SHISA9: variants seen among roughly 807,000 people sequenced by gnomAD.
SHISA9 encodes protein shisa-9.
Under a neutral mutation model 38.0 loss-of-function variants are expected in SHISA9, and 13 were observed. The ratio of observed to expected loss-of-function variants is 0.34; its 90% CI spans 0.22 to 0.54. SHISA9 has a LOEUF of 0.54. Ranked by LOEUF, SHISA9 falls within the 20% of genes least tolerant of loss-of-function variation. SHISA9 has a pLI of 0.91. For missense variants in SHISA9, 538 were observed against 575.8 expected, an observed-to-expected ratio of 0.93 and a Z score of 0.67; for synonymous variants, 275 against 242.0, an observed-to-expected ratio of 1.14 and a Z score of -1.27.
chr16:12,999,929 T>C (rs1178201446), intron 2 of SHISA9, among the ~76,000 whole-genome samples: 1 of 152,166 alleles, frequency 6.6e-6, no homozygotes, highest in Non-Finnish European at 1.5e-5. Context: ...AGCTGGGAAA[T>C]ACAGTTATTC....
At chr16:13,514,628 T>C in the SHISA9 span, among the ~76,000 whole-genome samples, 4 of 151,960 alleles carry the variant, frequency 2.6e-5, no homozygotes, top group African/African-American at 7.3e-5. Context: ...ATAACAGCAA[T>C]AGAAACCTTC....
chr16:13,228,594 C>T (rs1233588175), intron 4 of SHISA9, among the ~76,000 whole-genome samples: 1 of 152,032 alleles, frequency 6.6e-6, no homozygotes, highest in Non-Finnish European at 1.5e-5. Flanking sequence ...TTAATGAGGG[C>T]GAGTGAGATT....
chr16:12,967,687 T>C (rs2071998053), intron 2 of SHISA9, among the ~76,000 whole-genome samples: 1 of 151,920 alleles, frequency 6.6e-6, no homozygotes, highest in African/African-American at 2.4e-5. Context: ...AAAGAAATAC[T>C]CTGGAGATTG....
chr16:13,101,637 A>G (rs1442263172), intron 2 of SHISA9, among the ~76,000 whole-genome samples: 1 of 152,226 alleles, frequency 6.6e-6, no homozygotes. Context: ...CTTTGCATAT[A>G]TACCCAGAAG....
the SHISA9 span, among the ~76,000 whole-genome samples, chr16:13,318,165 C>G: frequency 6.6e-6 from 1 of 152,118 alleles, no homozygotes; most frequent in Non-Finnish European, 1.5e-5. Context: ...AAGGAATAAA[C>G]TAGGTTTCCC....
At chr16:13,071,756 G>C (rs1596627684) in intron 2 of SHISA9, among the ~76,000 whole-genome samples, 2 of 151,558 alleles carry the variant, frequency 1.3e-5, no homozygotes, top group Non-Finnish European at 2.9e-5. Context: ...TCCCATTTCA[G>C]CCTCCCTAGT....
At chr16:13,469,373 G>GAAAGAAAGAAAAGAA in the SHISA9 span, among the ~76,000 whole-genome samples, 33 of 83,558 alleles carry the variant, frequency 3.9e-4, no homozygotes, top group Non-Finnish European at 4.1e-4. Flanking sequence ...GAAAAAGAAA[G>GAAAGAAAGAAAAGAA]AAAGAAAGAA....
the SHISA9 span, among the ~76,000 whole-genome samples, chr16:13,347,727 T>C: frequency 3.9e-5 from 6 of 152,206 alleles, no homozygotes; most frequent in Non-Finnish European, 2.9e-5. Flanking sequence ...GTCTGGCCTG[T>C]CTTCATTCTC....
At chr16:13,489,576 A>T in the SHISA9 span, among the ~76,000 whole-genome samples, 1 of 152,130 alleles carries the variant, frequency 6.6e-6, no homozygotes, top group Admixed American at 6.5e-5. Context: ...GGTAGTGAAT[A>T]AGTCTCATGA....
Position 13,186,130 on chromosome 16 carries a change from C to T in SHISA9, c.692-17264C>T, listed in dbSNP as rs184385733. On this transcript the variant is annotated intron_variant, in intron 2 of 4. Transcript: ENST00000558583. ...TAAGTGACTCACAGCCTCCCTTTGC[C>T]TCTGTTTTCTTATCTTCAAAATGAA... Among the ~76,000 whole-genome samples the T allele has an allele frequency of 2.6e-4, 40 of 152,056 alleles. 2 individuals are homozygous for T. The highest frequency in any genetic ancestry group is 6.8e-3 in the Middle Eastern group (2 of 294).
intron 4 of SHISA9, among the ~76,000 whole-genome samples, chr16:13,228,331 C>G (rs901527940): frequency 1.3e-5 from 2 of 152,202 alleles, no homozygotes; most frequent in Non-Finnish European, 2.9e-5. Flanking sequence ...ACTGTTTCCT[C>G]TTAATGGGAT....
chr16:13,405,512 G>A, the SHISA9 span, among the ~76,000 whole-genome samples: 9 of 152,270 alleles, frequency 5.9e-5, no homozygotes, highest in Admixed American at 4.6e-4. Flanking sequence ...GGTGATATGC[G>A]CAGGTTTATT....
At chr16:13,196,081 C>G (rs201441083) in intron 2 of SHISA9, among the ~76,000 whole-genome samples, 1 of 87,454 alleles carries the variant, frequency 1.1e-5, no homozygotes, top group African/African-American at 4.9e-5. Context: ...GAGCAAGACT[C>G]TCTCTCAAAA....
At chr16:13,447,125 A>T in the SHISA9 span, among the ~76,000 whole-genome samples, 197 of 152,108 alleles carry the variant, frequency 1.3e-3, 6 homozygotes, top group East Asian at 0.034. Context: ...TAAAGATGGC[A>T]TCTTGGCACA....
intron 2 of SHISA9, among the ~76,000 whole-genome samples, chr16:12,934,036 A>G (rs1567343961): frequency 6.6e-6 from 1 of 152,198 alleles, no homozygotes; most frequent in Non-Finnish European, 1.5e-5. Flanking sequence ...GGGAAAGGGC[A>G]TTCTAGCCAA....
the SHISA9 span, among the ~76,000 whole-genome samples, chr16:13,437,086 A>G: frequency 2.6e-5 from 4 of 152,320 alleles, no homozygotes; most frequent in South Asian, 2.1e-4. Context: ...GGTCCCTCCC[A>G]TGGCACATTA....
the SHISA9 span, among the ~76,000 whole-genome samples, chr16:13,262,636 G>GGAAGGAAGGAAA: frequency 7.4e-5 from 3 of 40,588 alleles, no homozygotes; most frequent in Non-Finnish European, 1.6e-4. Context: ...TATTGTGGAA[G>GGAAGGAAGGAAA]GAAGGAAGGA....
At chr16:13,142,322 T>C (rs941657977) in intron 2 of SHISA9, among the ~76,000 whole-genome samples, 1 of 152,210 alleles carries the variant, frequency 6.6e-6, no homozygotes, top group Non-Finnish European at 1.5e-5. Flanking sequence ...ACGTGTTCCC[T>C]TCTGTAGCTA....
the SHISA9 span, among the ~76,000 whole-genome samples, chr16:13,293,369 G>A: frequency 6.6e-6 from 1 of 152,212 alleles, no homozygotes; most frequent in South Asian, 2.1e-4. Context: ...AGTCATGTTT[G>A]TTGTACCATC....
Sources: gnomAD v4.1 joint callset for allele counts (sites outside exome capture counted in the v4.1 genomes callset) on GRCh38, gnomAD v4.1.1 for gene constraint, MANE v1.5 for transcripts, NCBI Gene and HGNC (gene_info 2026-07-23, HGNC 2026-07-21) for gene names.